Variants in GABPB2 observed in about 807,000 individuals in gnomAD.
GABPB2 encodes the protein GA binding protein transcription factor subunit beta 2.
GABPB2 carries 23 observed loss-of-function variants against 39.1 expected under a neutral mutation model. That is an observed-to-expected ratio of 0.59 (90% CI 0.42 to 0.83). The LOEUF (loss-of-function observed/expected upper bound fraction) is 0.83. Among genes scored for constraint, GABPB2 ranks in the 40% least tolerant of loss-of-function variants. The pLI is 0.00. For missense variants in GABPB2, 467 were observed against 541.1 expected (o/e 0.86, Z 1.36); for synonymous variants, 184 against 199.3 (o/e 0.92, Z 0.65).
In GABPB2 at chr1:151,121,472, CTT is replaced by C. The variant is rs1272329597; in HGVS notation, c.*3217_*3218del. ...TTTTTTTTTGAGACGGAGTTTCACTCTTGTTGCCCAGGCTGGAGTGCAATGGC... is the reference window on the plus strand; with the variant it reads ...TTTTTTTTTGAGACGGAGTTTCACTCGTTGCCCAGGCTGGAGTGCAATGGC... On this transcript the variant is annotated 3_prime_UTR_variant, in exon 9 of 9. Transcript: ENST00000368918. The C allele has an allele frequency of 6.6e-6, 1 of 151,766 alleles. No homozygotes were observed. Among genetic ancestry groups the C allele is most frequent in the African/African-American group, 2.4e-5 (1 of 40,940 alleles). 9.4% of individuals were successfully genotyped at this position (151,766 alleles called of 1,614,324 possible). A position where few individuals can be genotyped will look rare whatever the true frequency, so the allele number is the denominator to read the frequency against.
chr1:151,096,950 C>T (rs1679138267), intron 4 of GABPB2, among the ~76,000 whole-genome samples: 2 of 152,106 alleles, frequency 1.3e-5, no homozygotes, highest in Admixed American at 6.6e-5. Context: ...CTCACTCTGT[C>T]GCCCAGGCTG....
At position 151,090,561 on chromosome 1, in the gene GABPB2, A is replaced by G; in HGVS notation, c.264A>G (p.Glu88=). 6.2e-7 allele frequency: 1 copy of G among 1,613,756 alleles called. No homozygotes were observed. Among genetic ancestry groups the G allele is most frequent in the Non-Finnish European group, 8.5e-7 (1 of 1,179,794 alleles). Residue 88 remains glutamate, a synonymous_variant, in exon 3 of 9, where the codon GAA becomes GAG. Transcript: ENST00000368918. ...CCGATGGACATGCGCACATCGTGGA[A>G]CTGCTTGTTCGGGTAAAGCAAGAAT... is the stretch of plus-strand genomic sequence containing the variant. ...AAADGHAHIV[E]LLVRNGADVN...
intron 5 of GABPB2, among the ~76,000 whole-genome samples, chr1:151,099,015 C>T (rs1439651127): frequency 4.1e-5 from 6 of 144,836 alleles, no homozygotes; most frequent in Admixed American, 1.4e-4. Context: ...ACCTGGAAGG[C>T]GGAGGTTGCA....
intron 5 of GABPB2, among the ~76,000 whole-genome samples, chr1:151,099,153 T>A (rs188870529): frequency 1.3e-5 from 2 of 151,832 alleles, no homozygotes; most frequent in Non-Finnish European, 2.9e-5. Context: ...TAAATAAGAA[T>A]GAATGAGTTT....
intron 1 of GABPB2, among the ~76,000 whole-genome samples, chr1:151,083,268 G>A (rs1194575870): frequency 6.6e-6 from 1 of 152,196 alleles, no homozygotes; most frequent in Non-Finnish European, 1.5e-5. Context: ...GTTGATGGTG[G>A]TGGTTATAGA....
At chr1:151,086,529 T>C (rs1417827239) in intron 1 of GABPB2, among the ~76,000 whole-genome samples, 1 of 152,166 alleles carries the variant, frequency 6.6e-6, no homozygotes, top group Non-Finnish European at 1.5e-5. Flanking sequence ...AGGCAAATAA[T>C]GTTTTTGTAT....
rs1290865264 is a variant in GABPB2 at position 151,119,271 on chromosome 1, G to A, written c.*1015G>A. On this transcript the variant is annotated 3_prime_UTR_variant, in exon 9 of 9. Coordinates refer to ENST00000368918, the MANE Select transcript of GABPB2 (RefSeq NM_144618.3). ...TGCAGTGAGCCATGGTTGCACCACTGCTCTCCAGGCTTGAGTGACAGAGCA... is the reference window on the plus strand; with the variant it reads ...TGCAGTGAGCCATGGTTGCACCACTACTCTCCAGGCTTGAGTGACAGAGCA... 3 of 152,158 alleles carry A rather than the reference G, an allele frequency of 2.0e-5. No homozygotes were observed. The highest frequency in any genetic ancestry group is 1.5e-5 in the Non-Finnish European group (1 of 68,102). 9.4% of individuals were successfully genotyped at this position (152,158 alleles called of 1,614,324 possible).
chr1:151,081,586 A>T (rs1677701178), intron 1 of GABPB2, among the ~76,000 whole-genome samples: 2 of 152,106 alleles, frequency 1.3e-5, no homozygotes, highest in Non-Finnish European at 2.9e-5. Context: ...ATATTTTTTC[A>T]ACTCTCTTTA....
intron 2 of GABPB2, among the ~76,000 whole-genome samples, chr1:151,088,784 T>C (rs1427204510): frequency 6.6e-6 from 1 of 152,198 alleles, no homozygotes; most frequent in East Asian, 1.9e-4. Context: ...GCGGATCACC[T>C]GAGGTCAGGA....
chr1:151,086,643 T>G (rs1367780005), intron 1 of GABPB2, among the ~76,000 whole-genome samples: 1 of 150,900 alleles, frequency 6.6e-6, no homozygotes, highest in East Asian at 2.0e-4. Flanking sequence ...ACGAGATCAG[T>G]GTTTAATCAG....
chr1:151,091,266 T>G (rs1285544593), intron 3 of GABPB2, among the ~76,000 whole-genome samples: 7 of 149,894 alleles, frequency 4.7e-5, no homozygotes, highest in African/African-American at 1.7e-4. Context: ...TTTTGTATTT[T>G]TAGTAGAGAC....
At chr1:151,110,309 A>G (rs1680319872) in intron 7 of GABPB2, among the ~76,000 whole-genome samples, 1 of 151,672 alleles carries the variant, frequency 6.6e-6, no homozygotes, top group Non-Finnish European at 1.5e-5. Flanking sequence ...CATAAATTCT[A>G]ATTTATGCAT....
intron 6 of GABPB2, among the ~76,000 whole-genome samples, chr1:151,104,194 G>C (rs188090793): frequency 6.6e-6 from 1 of 152,198 alleles, no homozygotes; most frequent in East Asian, 1.9e-4. Context: ...TTGCCTTTCT[G>C]ATATTTAAAA....
At chr1:151,096,423 A>G (rs1679102319) in intron 4 of GABPB2, among the ~76,000 whole-genome samples, 1 of 152,110 alleles carries the variant, frequency 6.6e-6, no homozygotes, top group African/African-American at 2.4e-5. Flanking sequence ...TCAAAAAAAA[A>G]TAAAAAGAGA....
chr1:151,116,209 C>T (rs1453387410), intron 7 of GABPB2, among the ~76,000 whole-genome samples: 5 of 151,844 alleles, frequency 3.3e-5, no homozygotes, highest in African/African-American at 7.3e-5. Context: ...CTGACCAACA[C>T]GGAGAAACCC....
intron 1 of GABPB2, among the ~76,000 whole-genome samples, chr1:151,086,240 T>C (rs952980103): frequency 6.6e-6 from 1 of 151,662 alleles, no homozygotes; most frequent in Non-Finnish European, 1.5e-5. Flanking sequence ...AGTGAAACCC[T>C]GTCTCAAAAA....
chr1:151,089,319 A>G, intron 2 of GABPB2, among the ~76,000 whole-genome samples: 1 of 152,224 alleles, frequency 6.6e-6, no homozygotes, highest in East Asian at 1.9e-4. Flanking sequence ...TGTGAATTAA[A>G]TTCAGTCAGG....
chr1:151,071,431 G>A (rs1374676818), intron 1 of GABPB2, among the ~76,000 whole-genome samples: 1 of 146,602 alleles, frequency 6.8e-6, no homozygotes, highest in Admixed American at 6.9e-5. Context: ...AGCAGTACGG[G>A]CCCCGCCTCT....
At chr1:151,079,506 A>T (rs984440432) in intron 1 of GABPB2, among the ~76,000 whole-genome samples, 62 of 152,194 alleles carry the variant, frequency 4.1e-4, no homozygotes, top group African/African-American at 1.5e-3. Context: ...ATGCCACTGC[A>T]CTCCAGCCTG....
Sources: allele counts gnomAD v4.1 joint callset (sites outside exome capture counted in the v4.1 genomes callset), GRCh38; gene constraint gnomAD v4.1.1; transcripts MANE v1.5; gene names NCBI Gene and HGNC (gene_info 2026-07-23, HGNC 2026-07-21).